ACACA: variants seen among roughly 807,000 people sequenced by gnomAD.
ACACA encodes the protein acetyl-CoA carboxylase 1.
Under a neutral mutation model 296.1 loss-of-function variants are expected in ACACA, and 103 were observed. That is an observed-to-expected ratio of 0.35 (90% CI 0.30 to 0.41). The LOEUF (loss-of-function observed/expected upper bound fraction) is 0.41. Ranked by LOEUF, ACACA falls within the 10% of genes least tolerant of loss-of-function variation. The pLI is 1.00. For synonymous variants in ACACA, 953 were observed against 1,038.6 expected (o/e 0.92, Z 1.58); for missense variants, 1,554 against 2,989.7 (o/e 0.52, Z 11.20).
intron 1 of ACACA, chr17:37,359,109 C>A: frequency 1.0e-6 from 1 of 985,526 alleles, no homozygotes; most frequent in Non-Finnish European, 1.2e-6. Context: ...GCGTGCAGCA[C>A]CAGGCCGGCC....
rs181695712 is a variant in ACACA at position 37,193,483 on chromosome 17, T to C, written c.4159-68A>G. 2.9e-4 allele frequency: 349 copies of C among 1,211,438 alleles called. 2 individuals are homozygous for C. The highest frequency in any genetic ancestry group is 1.5e-3 in the Admixed American group (84 of 57,726). 75.0% of individuals were successfully genotyped at this position (1,211,438 alleles called of 1,614,324 possible). A position where few individuals can be genotyped will look rare whatever the true frequency, so the allele number is the denominator to read the frequency against. On this transcript the variant is annotated intron_variant, in intron 35 of 55. Transcript: ENST00000616317. ...CATGGCTCTTTGAGAACAAACAGTA[T>C]AGAAACAGTTAAGCATTTAGAAGAC...
At chr17:37,276,873 A>G (rs1392271691) in intron 7 of ACACA, among the ~76,000 whole-genome samples, 160 bp downstream of exon 7, 1 of 152,182 alleles carries the variant, frequency 6.6e-6, no homozygotes, top group African/African-American at 2.4e-5. Flanking sequence ...AAAAGAAAGA[A>G]ATGAAGAGGG....
At chr17:37,360,534 G>C (rs1207518991) in intron 1 of ACACA, 2 of 152,210 alleles carry the variant, frequency 1.3e-5, no homozygotes, top group Non-Finnish European at 2.9e-5. Flanking sequence ...CACGTACCTG[G>C]ACTGTAGTCC....
At chr17:37,196,132 A>C (rs2077983989) in intron 35 of ACACA, among the ~76,000 whole-genome samples, 1 of 152,064 alleles carries the variant, frequency 6.6e-6, no homozygotes, top group Non-Finnish European at 1.5e-5. Flanking sequence ...CGTGTTAAAA[A>C]CCTAATGAGA....
rs528587566 is a variant in ACACA, at chr17:37,277,835, C to A, written c.720+61G>T. ...CAAAAATGTTCTTCTCTAGATATCC[C>A]CTTGTGCCTAACTATAAAATGGCTG... is the stretch of plus-strand genomic sequence containing the variant. On this transcript the variant is annotated intron_variant, in intron 6 of 55. Transcript: ENST00000616317. The A allele has an allele frequency of 1.6e-3, 2,087 of 1,280,372 alleles. 22 individuals are homozygous for A. In the African/African-American group the frequency reaches 0.027, roughly 16 times the overall value. 79.3% of individuals were successfully genotyped at this position (1,280,372 alleles called of 1,614,324 possible).
intron 52 of ACACA, among the ~76,000 whole-genome samples, chr17:37,098,481 T>C (rs1220856582): frequency 6.6e-6 from 1 of 152,254 alleles, no homozygotes; most frequent in East Asian, 1.9e-4. Context: ...GCGAGTTATC[T>C]GCCAAACTTG....
intron 3 of ACACA, among the ~76,000 whole-genome samples, chr17:37,285,302 G>A (rs1334914419): frequency 6.6e-6 from 1 of 152,114 alleles, no homozygotes; most frequent in Non-Finnish European, 1.5e-5. Context: ...TCTGGATCAC[G>A]ACTCTGGTGT....
intron 10 of ACACA, among the ~76,000 whole-genome samples, chr17:37,266,975 A>G (rs759819916): frequency 2.6e-5 from 4 of 152,140 alleles, no homozygotes; most frequent in Non-Finnish European, 5.9e-5. Flanking sequence ...TCCAGTCTTC[A>G]TTAACATCCT....
intron 52 of ACACA, among the ~76,000 whole-genome samples, chr17:37,103,454 C>T (rs2073481397): frequency 6.6e-6 from 1 of 152,074 alleles, no homozygotes; most frequent in Non-Finnish European, 1.5e-5. Flanking sequence ...TCTTTTCTAG[C>T]CAGATTGCAG....
chr17:37,341,795 C>T (rs569445866), intron 1 of ACACA, among the ~76,000 whole-genome samples: 2 of 152,070 alleles, frequency 1.3e-5, no homozygotes, highest in Non-Finnish European at 2.9e-5. Context: ...AGTACATAAA[C>T]CAACGATTCT....
intron 3 of ACACA, among the ~76,000 whole-genome samples, chr17:37,293,253 T>C (rs564803644): frequency 6.6e-6 from 1 of 152,312 alleles, no homozygotes; most frequent in African/African-American, 2.4e-5. Flanking sequence ...AACTAACTTT[T>C]AGAAAACTTC....
intron 25 of ACACA, among the ~76,000 whole-genome samples, chr17:37,230,722 C>T (rs1425889804): frequency 6.6e-6 from 1 of 152,212 alleles, no homozygotes; most frequent in African/African-American, 2.4e-5. Flanking sequence ...TAGAGACAGG[C>T]TTCTTTTGGG....
chr17:37,351,915 T>C (rs1224436149), intron 1 of ACACA, among the ~76,000 whole-genome samples: 1 of 149,364 alleles, frequency 6.7e-6, no homozygotes, highest in Non-Finnish European at 1.5e-5. Context: ...ACACCAGGCT[T>C]TCACAGGCTG....
At chr17:37,379,124 C>A in intron 1 of ACACA, 1 of 1,608,304 alleles carries the variant, frequency 6.2e-7, no homozygotes, top group East Asian at 2.2e-5. Context: ...CTATCTGGTT[C>A]TTCTCCTTCC....
intron 39 of ACACA, among the ~76,000 whole-genome samples, chr17:37,187,248 C>T (rs980581733): frequency 1.3e-5 from 2 of 152,214 alleles, no homozygotes; most frequent in Non-Finnish European, 1.5e-5. Flanking sequence ...ATTCTGACTA[C>T]TGTCCAAACT....
chr17:37,121,294 C>T (rs1353361139), intron 50 of ACACA, 61 bp downstream of exon 50: 2 of 1,611,716 alleles, frequency 1.2e-6, no homozygotes, highest in Admixed American at 1.7e-5. Context: ...TATACCCTCC[C>T]TCTGCCGCAG....
At chr17:37,278,132 T>C in intron 5 of ACACA, 127 bp from the exon 6 acceptor site, 2 of 745,464 alleles carry the variant, frequency 2.7e-6, no homozygotes, top group South Asian at 2.9e-5. Flanking sequence ...ATTAGTAGGA[T>C]AATTTCCAGG....
chr17:37,250,173 T>C (rs1001009029), intron 16 of ACACA, among the ~76,000 whole-genome samples: 10 of 152,206 alleles, frequency 6.6e-5, no homozygotes, highest in Admixed American at 3.9e-4. Flanking sequence ...TATATGTTCA[T>C]GTAAGTTTAG....
intron 1 of ACACA, among the ~76,000 whole-genome samples, chr17:37,371,119 G>A (rs1369861638): frequency 6.6e-6 from 1 of 151,766 alleles, no homozygotes; most frequent in Non-Finnish European, 1.5e-5. Flanking sequence ...CACTCTTGTT[G>A]CCCAGGCTGG....
Sources: gnomAD v4.1 joint callset for allele counts (sites outside exome capture counted in the v4.1 genomes callset) on GRCh38, gnomAD v4.1.1 for gene constraint, MANE v1.5 for transcripts, NCBI Gene and HGNC (gene_info 2026-07-23, HGNC 2026-07-21) for gene names.